AHCTF1: variants seen among roughly 807,000 people sequenced by gnomAD.
AHCTF1 encodes the protein protein ELYS.
AHCTF1 carries 24 observed loss-of-function variants against 248.4 expected under a neutral mutation model. The observed-to-expected ratio is 0.10, with a 90% confidence interval of 0.07 to 0.14. The LOEUF (loss-of-function observed/expected upper bound fraction) is 0.14. Ranked by LOEUF, AHCTF1 falls within the 10% of genes least tolerant of loss-of-function variation. The pLI is 1.00. For synonymous variants in AHCTF1, 786 were observed against 929.8 expected, an observed-to-expected ratio of 0.85 and a Z score of 2.81; for missense variants, 2,206 against 2,636.2, an observed-to-expected ratio of 0.84 and a Z score of 3.57.
intron 1 of AHCTF1, among the ~76,000 whole-genome samples, chr1:246,919,826 C>A (rs891664419): frequency 6.6e-6 from 1 of 151,706 alleles, no homozygotes; most frequent in African/African-American, 2.4e-5. Context: ...TTAAAGAATT[C>A]TCAAAGTTAA....
At chr1:246,848,593 T>C (rs2103037996) in intron 33 of AHCTF1, among the ~76,000 whole-genome samples, 1 of 150,026 alleles carries the variant, frequency 6.7e-6, no homozygotes, top group African/African-American at 2.4e-5. Context: ...TGGCTGGGTG[T>C]GGTGGCTCAC....
intron 4 of AHCTF1, among the ~76,000 whole-genome samples, chr1:246,912,248 G>A (rs893229414): frequency 2.2e-4 from 34 of 151,894 alleles, no homozygotes; most frequent in African/African-American, 6.3e-4. Context: ...AGGCCAAGGC[G>A]GGCGGATCAC....
chr1:246,925,002 A>G (rs927849140), intron 1 of AHCTF1, among the ~76,000 whole-genome samples: 11 of 152,162 alleles, frequency 7.2e-5, no homozygotes, highest in Non-Finnish European at 1.3e-4. Context: ...AGTACCAAAA[A>G]AATTTTTAGA....
At chr1:246,907,498 C>A (rs1306391541) in intron 5 of AHCTF1, 53 bp downstream of exon 5, 7 of 1,493,888 alleles carry the variant, frequency 4.7e-6, no homozygotes, top group Non-Finnish European at 6.5e-6. Context: ...TGAGTACAAG[C>A]TATATGCAAA....
At chr1:246,894,777 TA>T (rs1273634170) in intron 13 of AHCTF1, 29 bp from the exon 14 acceptor site, 1 of 1,565,134 alleles carries the variant, frequency 6.4e-7, no homozygotes, top group Non-Finnish European at 8.8e-7. Context: ...AGGGAAAAAA[TA>T]AAGATTATTA....
At chr1:246,886,653 C>T (rs1364074876) in intron 20 of AHCTF1, among the ~76,000 whole-genome samples, 2 of 152,020 alleles carry the variant, frequency 1.3e-5, no homozygotes, top group African/African-American at 4.8e-5. Flanking sequence ...AATCCATGGA[C>T]ACAGAGGGCC....
chr1:246,899,738 C>A (rs1476971775), intron 10 of AHCTF1, among the ~76,000 whole-genome samples: 1 of 152,010 alleles, frequency 6.6e-6, no homozygotes, highest in African/African-American at 2.4e-5. Context: ...ACTCCAAGCA[C>A]AGCTGAGAAA....
chr1:246,887,041 T>C (rs996204647), intron 20 of AHCTF1, among the ~76,000 whole-genome samples, 170 bp downstream of exon 20: 2 of 152,246 alleles, frequency 1.3e-5, no homozygotes, highest in African/African-American at 4.8e-5. Flanking sequence ...ATTATCTTTA[T>C]ATTCTTGCCT....
chr1:246,867,947 T>G (rs1662129938), intron 24 of AHCTF1, 136 bp from the exon 25 acceptor site: 1 of 320,354 alleles, frequency 3.1e-6, no homozygotes, highest in Non-Finnish European at 5.1e-6. Context: ...AGCTAAAAAT[T>G]TTAATTATAT....
At chr1:246,868,849 T>C (rs1553291552) in intron 24 of AHCTF1, among the ~76,000 whole-genome samples, 39 of 62,594 alleles carry the variant, frequency 6.2e-4, no homozygotes, top group South Asian at 4.2e-3. Flanking sequence ...GTTTTTTGTT[T>C]TTTTTTTTTT....
chr1:246,886,714 T>TTA (rs1490422718), intron 20 of AHCTF1, among the ~76,000 whole-genome samples: 1 of 152,212 alleles, frequency 6.6e-6, no homozygotes, highest in African/African-American at 2.4e-5. Context: ...CTATGCCATT[T>TTA]TATATAAGAG....
chr1:246,868,911 C>G (rs536641959), intron 24 of AHCTF1, among the ~76,000 whole-genome samples: 2 of 143,322 alleles, frequency 1.4e-5, no homozygotes, highest in East Asian at 4.2e-4. Context: ...GTGGTGTGAT[C>G]TCGGCTCACT....
intron 1 of AHCTF1, among the ~76,000 whole-genome samples, chr1:246,924,482 T>C (rs1048186171): frequency 1.3e-5 from 2 of 151,920 alleles, no homozygotes; most frequent in South Asian, 2.1e-4. Flanking sequence ...AAAACATATA[T>C]ATATAAAATA....
intron 18 of AHCTF1, 28 bp downstream of exon 18, chr1:246,888,366 A>G: frequency 1.9e-6 from 3 of 1,612,864 alleles, no homozygotes; most frequent in East Asian, 2.2e-5. Context: ...TGTAGACTCT[A>G]AATGATAGCA....
intron 21 of AHCTF1, among the ~76,000 whole-genome samples, chr1:246,881,973 C>T (rs767575909): frequency 2.7e-5 from 4 of 150,678 alleles, no homozygotes; most frequent in Non-Finnish European, 5.9e-5. Context: ...AGCCACCGTG[C>T]CTGGCCTTTA....
intron 35 of AHCTF1, among the ~76,000 whole-genome samples, chr1:246,841,877 C>T (rs1170308464): frequency 7.9e-5 from 12 of 151,980 alleles, no homozygotes; most frequent in South Asian, 2.1e-4. Flanking sequence ...CTGCAACCTC[C>T]GCCTCCTGGG....
Position 246,877,242 on chromosome 1 carries a change from C to T in AHCTF1, c.2721G>A (p.Glu907=). ...AGACTTCATACATGTGCTTCAGTAA[C>T]TCCTCTATATTCAACCTATTGCAAT... ...RQHCNRLNIE[E]LLKHMYEVCQ... Residue 907 remains glutamate (E), a synonymous_variant, in exon 22 of 36, where the codon GAG becomes GAA. Transcript: ENST00000648844. 9.9e-6 allele frequency: 16 copies of T among 1,613,298 alleles called. No individual in the cohort carries two copies. The highest frequency in any genetic ancestry group is 1.4e-5 in the Non-Finnish European group (16 of 1,179,758).
intron 1 of AHCTF1, among the ~76,000 whole-genome samples, chr1:246,919,104 A>G (rs1666344878): frequency 6.6e-6 from 1 of 152,198 alleles, no homozygotes; most frequent in African/African-American, 2.4e-5. Flanking sequence ...ACTAGTTAAA[A>G]TACAGAAAGA....
At chr1:246,852,505 A>C (rs1315467144) in intron 32 of AHCTF1, among the ~76,000 whole-genome samples, 1 of 152,124 alleles carries the variant, frequency 6.6e-6, no homozygotes, top group Admixed American at 6.6e-5. Flanking sequence ...AAAAAAACTA[A>C]GTCTTATTAA....
Sources: gnomAD v4.1 joint callset for allele counts (sites outside exome capture counted in the v4.1 genomes callset) on GRCh38, gnomAD v4.1.1 for gene constraint, MANE v1.5 for transcripts, NCBI Gene and HGNC (gene_info 2026-07-23, HGNC 2026-07-21) for gene names.